Variants in FOXN3 observed in about 807,000 individuals in gnomAD.
The protein encoded by FOXN3 is forkhead box protein N3.
Under a neutral mutation model 38.4 loss-of-function variants are expected in FOXN3, and 7 were observed. That is an observed-to-expected ratio of 0.18 (90% CI 0.10 to 0.34). FOXN3 has a LOEUF of 0.34. Among genes scored for constraint, FOXN3 ranks in the 10% least tolerant of loss-of-function variants. The pLI, the probability that FOXN3 is intolerant of heterozygous loss-of-function variation, is 1.00. For synonymous variants in FOXN3, 230 were observed against 242.2 expected, an observed-to-expected ratio of 0.95 and a Z score of 0.47; for missense variants, 456 against 613.4, an observed-to-expected ratio of 0.74 and a Z score of 2.71.
At position 89,164,722 on chromosome 14, in the gene FOXN3, C is replaced by T. The variant is rs368527201; in HGVS notation, c.852-1753G>A. On this transcript the variant is annotated intron_variant, in intron 5 of 5. Coordinates refer to ENST00000557258, the MANE Select transcript of FOXN3 (RefSeq NM_005197.4). This position sits in a 1 kb window ranked among gnomAD's most constrained non-coding sequence, Gnocchi z 4.3. ...CCACCACCATGACTCACCGGGCACACGCTGAGGATACGGCACTGGTAGAAG... is the reference window on the plus strand; with the variant it reads ...CCACCACCATGACTCACCGGGCACATGCTGAGGATACGGCACTGGTAGAAG... Among the ~76,000 whole-genome samples, 14 of 152,164 alleles carry T rather than the reference C, an allele frequency of 9.2e-5. No individual in the cohort carries two copies. The highest frequency in any genetic ancestry group is 2.7e-4 in the African/African-American group (11 of 41,424).
In FOXN3 at chr14:89,412,083, T is replaced by C. The variant is rs377219864; in HGVS notation, c.394A>G (p.Thr132Ala). Residue 132 changes from threonine (T) to alanine (A), a missense_variant, in exon 2 of 6, where the codon ACC becomes GCC. Thr to Ala is a moderately conservative substitution (Grantham distance 58, BLOSUM62 0). This residue lies in a region of FOXN3 where 386 missense variants were observed against 505.2 expected (regional missense o/e 0.76). Transcript: ENST00000557258. The surrounding 1 kb of genome is among the most constrained non-coding windows in gnomAD (Gnocchi z 4.7). Reference sequence around the variant, plus strand: ...ATATCCTTCACTGGCAGGCGCTTGGTTGGAGAGTCCTCGATGGCCATAAAT... The same window carrying C: ...ATATCCTTCACTGGCAGGCGCTTGGCTGGAGAGTCCTCGATGGCCATAAAT... ...LIFMAIEDSP[T>A]KRLPVKDIYN... 2 of 1,613,298 alleles carry C rather than the reference T, an allele frequency of 1.2e-6. No homozygotes were observed. The highest frequency in any genetic ancestry group is 1.3e-5 in the African/African-American group (1 of 74,812).
At chr14:89,528,374 A>ATTTTTTTT (rs1280882695) in intron 1 of FOXN3, among the ~76,000 whole-genome samples, 2 of 62,216 alleles carry the variant, frequency 3.2e-5, no homozygotes, top group Admixed American at 2.1e-4. Context: ...ACATGGATGA[A>ATTTTTTTT]TCTTTTTTTT....
intron 3 of FOXN3, among the ~76,000 whole-genome samples, chr14:89,331,297 C>T (rs977338028): frequency 6.6e-6 from 1 of 152,176 alleles, no homozygotes; most frequent in Non-Finnish European, 1.5e-5. Flanking sequence ...TAAGTGGAAT[C>T]ATATGATATT....
intron 3 of FOXN3, among the ~76,000 whole-genome samples, chr14:89,311,105 T>TAAAAA (rs10646875): frequency 1.5e-4 from 17 of 110,388 alleles, no homozygotes; most frequent in African/African-American, 5.8e-4. Flanking sequence ...AAACTCCGTC[T>TAAAAA]AAAAAAAAAA....
intron 3 of FOXN3, among the ~76,000 whole-genome samples, chr14:89,347,865 A>G (rs1222441102): frequency 2.0e-5 from 3 of 152,142 alleles, no homozygotes; most frequent in African/African-American, 7.2e-5. Flanking sequence ...GAGGCAGAAG[A>G]ATCCCTTGAA....
chr14:89,611,342 G>C (rs1348707004), intron 1 of FOXN3, among the ~76,000 whole-genome samples: 1 of 152,220 alleles, frequency 6.6e-6, no homozygotes, highest in Non-Finnish European at 1.5e-5. Flanking sequence ...AAGTGTAAAA[G>C]TGAGTGCTGT....
At chr14:89,360,743 CACCTCCACCACCACCTCCACCACT>C (rs1566966370) in intron 2 of FOXN3, among the ~76,000 whole-genome samples, 35 of 96,940 alleles carry the variant, frequency 3.6e-4, no homozygotes, top group Admixed American at 7.5e-4. Flanking sequence ...CCTCCAGCAC[CACCTCCACCACCACCTCCACCACT>C]ACCACCTCCA....
intron 1 of FOXN3, among the ~76,000 whole-genome samples, chr14:89,537,619 T>C (rs1212421774): frequency 2.0e-5 from 3 of 152,240 alleles, no homozygotes; most frequent in Non-Finnish European, 4.4e-5. Flanking sequence ...TCCCACATCT[T>C]CCAACCTCTT....
At chr14:89,362,984 G>T (rs933936423) in intron 2 of FOXN3, among the ~76,000 whole-genome samples, 4 of 152,136 alleles carry the variant, frequency 2.6e-5, no homozygotes, top group African/African-American at 9.7e-5. Flanking sequence ...CACAAAGGCA[G>T]GGTCCGTTTC....
At chr14:89,558,932 A>G (rs1198385083) in intron 1 of FOXN3, among the ~76,000 whole-genome samples, 2 of 152,214 alleles carry the variant, frequency 1.3e-5, no homozygotes, top group African/African-American at 4.8e-5. Flanking sequence ...AGGCTTCTTA[A>G]TATGAAACTT....
At position 89,169,266 on chromosome 14, in the gene FOXN3, C is replaced by A. The variant is rs76319121; in HGVS notation, c.852-6297G>T. On this transcript the variant is annotated intron_variant, in intron 5 of 5. Transcript: ENST00000557258. The stretch of plus-strand genomic sequence containing the variant: ...AGACCAGCCCAGCAACATGGTAAAA[C>A]CCCATCTCTACAAAAATGCAAAAAA... 8.6e-4 allele frequency among the ~76,000 whole-genome samples: 131 copies of A among 152,100 alleles called. 2 individuals are homozygous for A. The East Asian group carries it at 0.022, about 26-fold the overall frequency.
intron 1 of FOXN3, among the ~76,000 whole-genome samples, chr14:89,501,367 G>C (rs187101070): frequency 6.6e-6 from 1 of 152,040 alleles, no homozygotes; most frequent in East Asian, 1.9e-4. Context: ...TCACGATGGC[G>C]GGCAGTCAGG....
intron 2 of FOXN3, among the ~76,000 whole-genome samples, chr14:89,351,944 A>G (rs566957917): frequency 6.6e-6 from 1 of 152,360 alleles, no homozygotes; most frequent in South Asian, 2.1e-4. Context: ...GTGTTTCATC[A>G]TCAGTTCACC....
intron 4 of FOXN3, among the ~76,000 whole-genome samples, chr14:89,208,437 A>C (rs530064200): frequency 5.6e-4 from 85 of 152,348 alleles, no homozygotes; most frequent in African/African-American, 2.0e-3. Context: ...CAACGACTCA[A>C]ATTAATATGC....
intron 1 of FOXN3, among the ~76,000 whole-genome samples, chr14:89,438,487 T>A (rs1168131691): frequency 6.6e-6 from 1 of 152,238 alleles, no homozygotes; most frequent in Non-Finnish European, 1.5e-5. Context: ...CCATTCAGGC[T>A]GGAGGAATAA....
chr14:89,360,810 ACCT>A (rs1282054142), intron 2 of FOXN3, among the ~76,000 whole-genome samples: 4 of 98,190 alleles, frequency 4.1e-5, no homozygotes, highest in Admixed American at 9.0e-5. Flanking sequence ...CTCCAGCACC[ACCT>A]CCACCACCAC....
At chr14:89,446,111 A>AAAAAAAAAAAAAAT (rs1203799928) in intron 1 of FOXN3, among the ~76,000 whole-genome samples, 18 of 142,738 alleles carry the variant, frequency 1.3e-4, no homozygotes, top group South Asian at 2.3e-4. Flanking sequence ...AAAAAAAAAA[A>AAAAAAAAAAAAAAT]TTTTAAGGAA....
At chr14:89,169,495 ATGAC>A (rs1241072837) in intron 5 of FOXN3, among the ~76,000 whole-genome samples, 6 of 136,224 alleles carry the variant, frequency 4.4e-5, no homozygotes, top group Admixed American at 1.5e-4. Flanking sequence ...AATAATAATA[ATGAC>A]TAAGTGGTTA....
chr14:89,297,713 C>T (rs1887087000), intron 3 of FOXN3, among the ~76,000 whole-genome samples: 3 of 152,184 alleles, frequency 2.0e-5, no homozygotes, highest in Non-Finnish European at 4.4e-5. Context: ...TGCGATGGCT[C>T]ACGCCTATAA....
Sources: allele counts gnomAD v4.1 joint callset (sites outside exome capture counted in the v4.1 genomes callset), GRCh38; gene constraint gnomAD v4.1.1; regional missense constraint gnomAD v4.1.1; non-coding constraint Gnocchi (gnomAD v3.1); transcripts MANE v1.5; gene names NCBI Gene and HGNC (gene_info 2026-07-23, HGNC 2026-07-21).